The following P4HA2 variants were observed in gnomAD, a reference collection of about 807,000 sequenced individuals.
The protein encoded by P4HA2 is prolyl 4-hydroxylase subunit alpha-2.
Under a neutral mutation model 76.9 loss-of-function variants are expected in P4HA2, and 46 were observed. The observed-to-expected ratio is 0.60, with a 90% CI of 0.47 to 0.76. The LOEUF (loss-of-function observed/expected upper bound fraction) is 0.76, where lower values mean the gene tolerates loss of function less well. Among genes scored for constraint, P4HA2 ranks in the 30% least tolerant of loss-of-function variants. P4HA2 has a pLI of 0.00. For synonymous variants in P4HA2, 243 were observed against 254.0 expected, an observed-to-expected ratio of 0.96 and a Z score of 0.41; for missense variants, 583 against 669.4, an observed-to-expected ratio of 0.87 and a Z score of 1.42.
In P4HA2 at chr5:132,218,572, C is replaced by T; in HGVS notation, c.55G>A (p.Val19Met). ...LMAWFGVLSC[V>M]QAEFFTSIGH... ...ATAGAGGTGAAGAATTCGGCCTGCA[C>T]ACAGCTCAGGACACCAAACCAGGCC... The change falls in exon 2 of 15, where the codon GTG becomes ATG. Residue 19 changes from valine (V) to methionine (M), a missense_variant. Val to Met is a conservative substitution (Grantham distance 21). Coordinates refer to ENST00000360568, the MANE Select transcript of P4HA2 (RefSeq NM_001017974.2). 1 of 1,613,874 alleles carries T rather than the reference C, an allele frequency of 6.2e-7. No individual in the cohort carries two copies. The highest frequency in any genetic ancestry group is 2.2e-5 in the East Asian group (1 of 44,882).
intron 7 of P4HA2, 27 bp from the exon 8 acceptor site, chr5:132,207,911 G>A (rs1239881230): frequency 1.3e-6 from 2 of 1,524,124 alleles, no homozygotes; most frequent in East Asian, 2.3e-5. Flanking sequence ...AACAGGCCCT[G>A]AGCTGAGTGA....
intron 4 of P4HA2, among the ~76,000 whole-genome samples, chr5:132,216,162 CAAAAA>C (rs5871448): frequency 3.2e-5 from 2 of 63,138 alleles, no homozygotes; most frequent in Non-Finnish European, 5.5e-5. Flanking sequence ...GACTCAGTCT[CAAAAA>C]AAAAAAAAAA....
In P4HA2 at chr5:132,195,409, T is replaced by A; in HGVS notation, c.1434+3A>T. On this transcript the variant is annotated splice_donor_region_variant and intron_variant, in intron 13 of 14. Coordinates refer to ENST00000360568, the MANE Select transcript of P4HA2 (RefSeq NM_001017974.2). ...CCTCTGACCCACAAGAATCAGAACT[T>A]ACCTTCTTAGGCCAAATTGCAGCCC... 3.7e-6 allele frequency: 6 copies of A among 1,607,380 alleles called. No individual in the cohort carries two copies. Among genetic ancestry groups the A allele is most frequent in the Non-Finnish European group, 5.1e-6 (6 of 1,173,892 alleles).
intron 1 of P4HA2, among the ~76,000 whole-genome samples, chr5:132,219,764 C>A (rs533333096): frequency 1.1e-4 from 16 of 152,226 alleles, no homozygotes; most frequent in African/African-American, 3.6e-4. Context: ...TAAGATAATG[C>A]CAGTTCATCA....
chr5:132,225,442 G>C (rs374252550), intron 1 of P4HA2, among the ~76,000 whole-genome samples: 63 of 152,258 alleles, frequency 4.1e-4, no homozygotes, highest in East Asian at 3.9e-4. Context: ...GTGAAAAAGG[G>C]AGGCCTTCTT....
In P4HA2 at chr5:132,217,357, C is replaced by T; in HGVS notation, c.180-9G>A. 1 of 1,613,934 alleles carries T rather than the reference C, an allele frequency of 6.2e-7. No individual in the cohort carries two copies. Among genetic ancestry groups the T allele is most frequent in the African/African-American group, 1.3e-5 (1 of 75,040 alleles). The stretch of plus-strand genomic sequence containing the variant: ...CCATTTTGTTGGCCCAGCTGTGGAA[C>T]CAGAGGAAAAGGAAGACTAATGCGT... On this transcript the variant is annotated splice_polypyrimidine_tract_variant and intron_variant, in intron 3 of 14. Coordinates refer to ENST00000360568, the MANE Select transcript of P4HA2 (RefSeq NM_001017974.2).
At chr5:132,198,160 T>C (rs985989679) in intron 12 of P4HA2, 161 bp downstream of exon 12, 1 of 1,612,938 alleles carries the variant, frequency 6.2e-7, no homozygotes. Context: ...GGCAGCCCTC[T>C]GGACCCAGGG....
At chr5:132,209,404 G>C in intron 6 of P4HA2, 73 bp from the exon 7 acceptor site, 1 of 1,244,862 alleles carries the variant, frequency 8.0e-7, no homozygotes, top group Non-Finnish European at 1.2e-6. Context: ...AAATTATTCT[G>C]TAAGGGTTTC....
At chr5:132,211,620 T>C (rs1158657856) in intron 5 of P4HA2, among the ~76,000 whole-genome samples, 5 of 152,154 alleles carry the variant, frequency 3.3e-5, no homozygotes, top group Non-Finnish European at 1.5e-5. Flanking sequence ...GGCCAGGGAC[T>C]GGGGGGCTCC....
intron 8 of P4HA2, among the ~76,000 whole-genome samples, chr5:132,206,389 G>A (rs999485617): frequency 6.6e-6 from 1 of 152,132 alleles, no homozygotes; most frequent in East Asian, 1.9e-4. Flanking sequence ...AGCCCTAGAT[G>A]TCCTAGTACC....
At chr5:132,198,703 T>G (rs1751049919) in intron 11 of P4HA2, among the ~76,000 whole-genome samples, 176 bp downstream of exon 11, 1 of 152,162 alleles carries the variant, frequency 6.6e-6, no homozygotes, top group Admixed American at 6.5e-5. Context: ...TGCAGGACCC[T>G]TGGTTCCAGA....
chr5:132,196,508 T>A (rs1750663688), intron 12 of P4HA2, among the ~76,000 whole-genome samples: 1 of 152,194 alleles, frequency 6.6e-6, no homozygotes, highest in Non-Finnish European at 1.5e-5. Flanking sequence ...AAGAGAGGCC[T>A]CCACTGAACC....
chr5:132,218,822 G>A (rs1419715401), intron 1 of P4HA2, among the ~76,000 whole-genome samples, 178 bp from the exon 2 acceptor site: 2 of 152,226 alleles, frequency 1.3e-5, no homozygotes, highest in African/African-American at 2.4e-5. Flanking sequence ...TGCAGCCAGT[G>A]ATGTGTGCTC....
chr5:132,193,170 G>A (rs1460783395), intron 14 of P4HA2, 90 bp from the exon 15 acceptor site: 2 of 840,120 alleles, frequency 2.4e-6, no homozygotes, highest in Non-Finnish European at 2.0e-6. Context: ...CCTGCACTGT[G>A]CCCTGGAATC....
intron 13 of P4HA2, 42 bp from the exon 14 acceptor site, chr5:132,195,064 T>G (rs761039598): frequency 7.5e-7 from 1 of 1,328,612 alleles, no homozygotes; most frequent in South Asian, 1.2e-5. Flanking sequence ...CTTAAGAGAC[T>G]GTGCTCAGGG....
intron 13 of P4HA2, 64 bp downstream of exon 13, chr5:132,195,348 G>A: frequency 8.4e-7 from 1 of 1,194,652 alleles, no homozygotes; most frequent in Non-Finnish European, 1.3e-6. Context: ...TGGTACTGGG[G>A]GACATGGACA....
chr5:132,223,506 T>A (rs4705849), intron 1 of P4HA2, among the ~76,000 whole-genome samples: 53,543 of 151,968 alleles, frequency 0.35, 10,475 homozygotes, highest in Non-Finnish European at 0.45. Flanking sequence ...AGGCAATCCA[T>A]CCATCTCGAC....
intron 4 of P4HA2, 71 bp downstream of exon 4, chr5:132,217,126 C>G (rs1754015801): frequency 1.4e-6 from 2 of 1,477,130 alleles, no homozygotes; most frequent in Non-Finnish European, 1.9e-6. Flanking sequence ...AAGACAGGCT[C>G]AGACACAACA....
chr5:132,203,953 G>C, intron 9 of P4HA2, 106 bp from the exon 10 acceptor site: 1 of 1,129,740 alleles, frequency 8.9e-7, no homozygotes. Flanking sequence ...GGCAGTACAG[G>C]ATGCCTGCTG....
Sources: allele counts gnomAD v4.1 joint callset (sites outside exome capture counted in the v4.1 genomes callset), GRCh38; gene constraint gnomAD v4.1.1; transcripts MANE v1.5; gene names NCBI Gene and HGNC (gene_info 2026-07-23, HGNC 2026-07-21).